The following RLN2 variants were observed in gnomAD, a reference collection of about 807,000 sequenced individuals.
RLN2 encodes the protein relaxin 2, also known as prorelaxin H2.
Under a neutral mutation model 7.3 loss-of-function variants are expected in RLN2, and 10 were observed. The ratio of observed to expected loss-of-function variants is 1.36; its 90% CI spans 0.84 to 2.31. The LOEUF (loss-of-function observed/expected upper bound fraction) is 2.31, where lower values mean the gene tolerates loss of function less well. Among genes scored for constraint, RLN2 ranks in the 30% most tolerant of loss-of-function variants. The pLI, the probability that RLN2 is intolerant of heterozygous loss-of-function variation, is 0.00. For missense variants in RLN2, 298 were observed against 217.6 expected (o/e 1.37, Z -2.32); for synonymous variants, 103 against 82.3 (o/e 1.25, Z -1.36).
At chr9:5,309,437 A>G (rs1190437942), upstream of RLN2, among the ~76,000 whole-genome samples, 1 of 151,918 alleles carries the variant, frequency 6.6e-6, no homozygotes, top group African/African-American at 2.4e-5. Context: ...TCTTCTCTCC[A>G]GGAGCATTTT....
At chr9:5,333,406 T>C in the RLN2 span, among the ~76,000 whole-genome samples, 637 of 151,842 alleles carry the variant, frequency 4.2e-3, 10 homozygotes, top group African/African-American at 0.014. Context: ...TCTATGCAAA[T>C]AAACTGGAAA....
At chr9:5,315,781 G>C in the RLN2 span, among the ~76,000 whole-genome samples, 1 of 152,064 alleles carries the variant, frequency 6.6e-6, no homozygotes, top group Admixed American at 6.6e-5. Flanking sequence ...GGTCAGGACA[G>C]ATGAGATGAT....
chr9:5,333,127 C>T, the RLN2 span, among the ~76,000 whole-genome samples: 1 of 151,890 alleles, frequency 6.6e-6, no homozygotes, highest in African/African-American at 2.4e-5. Flanking sequence ...AAGGGGAGGA[C>T]TACAAAACAA....
At chr9:5,325,846 AT>A in the RLN2 span, among the ~76,000 whole-genome samples, 3 of 151,530 alleles carry the variant, frequency 2.0e-5, no homozygotes, top group Non-Finnish European at 2.9e-5. Context: ...GGTGACATCA[AT>A]TTTTTTTTAA....
chr9:5,307,139 G>A (rs1420059007), upstream of RLN2, among the ~76,000 whole-genome samples: 1 of 151,926 alleles, frequency 6.6e-6, no homozygotes. Flanking sequence ...ACATTGAGGG[G>A]CTAAATGGGG....
rs1313763520 is a variant in RLN2, at chr9:5,300,310, C to T, written c.346G>A (p.Val116Ile). The T allele has an allele frequency of 1.2e-6, 2 of 1,613,982 alleles. No individual in the cohort carries two copies. The highest frequency in any genetic ancestry group is 1.3e-5 in the African/African-American group (1 of 75,028). Residue 116 changes from valine (V) to isoleucine (I), a missense_variant, in exon 2 of 2, where the codon GTA (valine) becomes ATA (isoleucine). Coordinates refer to ENST00000381627, the MANE Select transcript of RLN2 (RefSeq NM_134441.3). ...QPALPQLQQH[V>I]PVLKDSSLLF... Reference sequence around the variant, plus strand: ...AGACTGGAATCTTTTAATACAGGTACATGTTGTTGTAGCTGTGGTAATGCT... The same window carrying T: ...AGACTGGAATCTTTTAATACAGGTATATGTTGTTGTAGCTGTGGTAATGCT...
chr9:5,337,498 GTT>G, the RLN2 span, among the ~76,000 whole-genome samples: 1 of 151,928 alleles, frequency 6.6e-6, no homozygotes, highest in African/African-American at 2.4e-5. Flanking sequence ...TAGATCTCTG[GTT>G]TAAAGCGGAT....
At chr9:5,332,166 G>A in the RLN2 span, among the ~76,000 whole-genome samples, 1 of 151,914 alleles carries the variant, frequency 6.6e-6, no homozygotes, top group African/African-American at 2.4e-5. Context: ...AATTTAATTT[G>A]TTGAAATTTT....
upstream of RLN2, among the ~76,000 whole-genome samples, chr9:5,305,789 A>C (rs1816237296): frequency 6.6e-6 from 1 of 152,084 alleles, no homozygotes; most frequent in African/African-American, 2.4e-5. Flanking sequence ...TTACAAACAT[A>C]ACTATGGAAT....
the RLN2 span, among the ~76,000 whole-genome samples, chr9:5,327,149 A>G: frequency 2.0e-5 from 3 of 152,034 alleles, no homozygotes; most frequent in Non-Finnish European, 4.4e-5. Flanking sequence ...AGCCAAGGGA[A>G]GCCATAACAG....
rs767088343 is a variant in RLN2, at chr9:5,300,443, T to A, written c.213A>T (p.Glu71Asp). The change falls in exon 2 of 2, where the codon GAA becomes GAT. Residue 71 changes from glutamate (E) to aspartate (D), a missense_variant and splice_region_variant. Physicochemically the swap from Glu to Asp is conservative, Grantham distance 45. Coordinates refer to ENST00000381627, the MANE Select transcript of RLN2 (RefSeq NM_134441.3). ...DAPQTPRPVA[E>D]IVPSFINKDT... Reference sequence around the variant, plus strand: ...CTTTGTTGATGAAGGATGGCACAATTTCTGTTAAATTTAAAAAAAAAGGTG... The same window carrying A: ...CTTTGTTGATGAAGGATGGCACAATATCTGTTAAATTTAAAAAAAAAGGTG... 6.3e-7 allele frequency: 1 copy of A among 1,591,460 alleles called. No individual in the cohort carries two copies. The highest frequency in any genetic ancestry group is 2.2e-5 in the East Asian group (1 of 44,664).
the RLN2 span, among the ~76,000 whole-genome samples, chr9:5,327,075 C>G: frequency 1.3e-5 from 2 of 151,992 alleles, no homozygotes; most frequent in African/African-American, 4.8e-5. Flanking sequence ...AGAGGGTGAG[C>G]TGAAGCAGGG....
intron 1 of RLN2, among the ~76,000 whole-genome samples, chr9:5,300,907 ATT>A (rs1230414352): frequency 6.6e-6 from 1 of 152,224 alleles, no homozygotes; most frequent in Non-Finnish European, 1.5e-5. Context: ...GCTATTGAAT[ATT>A]TCATGGTGGG....
the RLN2 span, chr9:5,311,773 ATTT>A: frequency 1.3e-6 from 1 of 748,366 alleles, no homozygotes; most frequent in South Asian, 1.6e-5. Context: ...TTGAAATATG[ATTT>A]TTTTATCAAG....
At chr9:5,335,400 G>A in the RLN2 span, 1 of 1,613,476 alleles carries the variant, frequency 6.2e-7, no homozygotes, top group Non-Finnish European at 8.5e-7. Context: ...GCTTCACTTT[G>A]CCTATTGCGA....
chr9:5,311,106 C>T, the RLN2 span, among the ~76,000 whole-genome samples: 1 of 151,990 alleles, frequency 6.6e-6, no homozygotes, highest in Non-Finnish European at 1.5e-5. Context: ...GATGATAGGC[C>T]ATCACCTGAC....
chr9:5,306,118 T>TG (rs941246481), upstream of RLN2, among the ~76,000 whole-genome samples: 6 of 150,552 alleles, frequency 4.0e-5, no homozygotes, highest in African/African-American at 7.4e-5. Flanking sequence ...TGTTTTTTTT[T>TG]TTTTTTTTTA....
At chr9:5,324,278 A>T in the RLN2 span, among the ~76,000 whole-genome samples, 1 of 152,112 alleles carries the variant, frequency 6.6e-6, no homozygotes. Flanking sequence ...AAGAGAGGAA[A>T]ATTACGCATA....
chr9:5,311,711 A>C, the RLN2 span: 10 of 1,191,250 alleles, frequency 8.4e-6, no homozygotes, highest in Non-Finnish European at 1.2e-5. Flanking sequence ...TGGAGATGCC[A>C]AGTGAAGTGT....
Sources: gnomAD v4.1 joint callset for allele counts (sites outside exome capture counted in the v4.1 genomes callset) on GRCh38, gnomAD v4.1.1 for gene constraint, MANE v1.5 for transcripts, NCBI Gene and HGNC (gene_info 2026-07-23, HGNC 2026-07-21) for gene names.